Variants in COL9A1 observed in about 807,000 individuals in gnomAD.
COL9A1 encodes collagen type IX alpha 1 chain, also known as collagen alpha-1(IX) chain.
A neutral mutation model predicts 142.6 loss-of-function variants in COL9A1; 104 were observed. The observed-to-expected ratio is 0.73, with a 90% CI of 0.62 to 0.86. The LOEUF (loss-of-function observed/expected upper bound fraction) is 0.86. COL9A1 is among the 40% of genes least tolerant of loss of function. The pLI, the probability that COL9A1 is intolerant of heterozygous loss-of-function variation, is 0.00. For synonymous variants in COL9A1, 466 were observed against 396.0 expected, an observed-to-expected ratio of 1.18 and a Z score of -2.10; for missense variants, 1,210 against 1,176.6, an observed-to-expected ratio of 1.03 and a Z score of -0.42.
chr6:70,268,012 C>T (rs1383972131), intron 17 of COL9A1, among the ~76,000 whole-genome samples: 1 of 152,006 alleles, frequency 6.6e-6, no homozygotes, highest in Non-Finnish European at 1.5e-5. Context: ...GCTATTTATC[C>T]CCAGAATTTG....
chr6:70,298,896 G>A (rs1393312517), intron 4 of COL9A1, among the ~76,000 whole-genome samples: 2 of 152,124 alleles, frequency 1.3e-5, no homozygotes. Context: ...AGTCAGTATG[G>A]AGTAGTGGTT....
chr6:70,236,820 CT>C (rs1769937757), intron 33 of COL9A1, among the ~76,000 whole-genome samples: 1 of 151,054 alleles, frequency 6.6e-6, no homozygotes, highest in Non-Finnish European at 1.5e-5. Context: ...ACTGTAACAA[CT>C]TCTTTTTTTT....
chr6:70,224,186 A>T (rs1175226079), intron 37 of COL9A1, among the ~76,000 whole-genome samples: 1 of 152,234 alleles, frequency 6.6e-6, no homozygotes, highest in Admixed American at 6.5e-5. Flanking sequence ...GCTGCAAATG[A>T]TGATCTTGTC....
chr6:70,234,894 C>T lies in COL9A1; in HGVS notation c.2159G>A (p.Arg720Gln), dbSNP rs192467838. 5.4e-4 allele frequency: 866 copies of T among 1,614,144 alleles called. 1 individual carries two copies. Among genetic ancestry groups the T allele is most frequent in the Non-Finnish European group, 6.8e-4 (799 of 1,180,016 alleles). ...TGGTCCTTCCACTCCAGGAAGCCCC[C>T]GACTTCCCTCAGGCCCTCTCAAGCC... ...EPGLRGPEGS[R>Q]GLPGVEGPRG... Residue 720 changes from arginine (R) to glutamine (Q), a missense_variant, in exon 34 of 38, where the codon CGG becomes CAG. Arg to Gln is a conservative substitution (Grantham distance 43). Coordinates refer to ENST00000357250, the MANE Select transcript of COL9A1 (RefSeq NM_001851.6).
intron 33 of COL9A1, 103 bp from the exon 34 acceptor site, chr6:70,235,043 C>T (rs927207845): frequency 4.5e-5 from 64 of 1,408,298 alleles, no homozygotes; most frequent in Non-Finnish European, 4.9e-5. Flanking sequence ...TTCCTGCACT[C>T]TGCATCCTAA....
intron 18 of COL9A1, among the ~76,000 whole-genome samples, chr6:70,265,385 C>T (rs1319038681): frequency 6.6e-6 from 1 of 151,816 alleles, no homozygotes; most frequent in Non-Finnish European, 1.5e-5. Flanking sequence ...CATAGAATAC[C>T]TCATGAATAT....
intron 33 of COL9A1, among the ~76,000 whole-genome samples, chr6:70,237,904 T>C (rs1376049446): frequency 6.6e-6 from 1 of 152,134 alleles, no homozygotes; most frequent in Non-Finnish European, 1.5e-5. Context: ...AAGCTGAGGA[T>C]AGATCGAAAT....
At position 70,234,520 on chromosome 6, in the gene COL9A1, ACC is replaced by A; in HGVS notation, c.2314+17_2314+18del. ...AAGAGTTGATGGTGGAAAAAGTCAAACCATTGTGATTTATTTACCTTGTATGA... is the reference window on the plus strand; with the variant it reads ...AAGAGTTGATGGTGGAAAAAGTCAAAATTGTGATTTATTTACCTTGTATGA... On this transcript the variant is annotated intron_variant, in intron 35 of 37. Coordinates refer to ENST00000357250, the MANE Select transcript of COL9A1 (RefSeq NM_001851.6). 4 of 1,613,320 alleles carry A rather than the reference ACC, an allele frequency of 2.5e-6. No homozygotes were observed. Among genetic ancestry groups the A allele is most frequent in the Non-Finnish European group, 2.5e-6 (3 of 1,179,282 alleles).
chr6:70,221,937 G>A lies in COL9A1; in HGVS notation c.2581+3995C>T, dbSNP rs1009713335. Among the ~76,000 whole-genome samples, 3 of 152,140 alleles carry A rather than the reference G, an allele frequency of 2.0e-5. No homozygotes were observed. In the South Asian group the frequency reaches 6.2e-4, roughly 32 times the overall value. ...TCCAGGGATTGCTAATGTGATCCAC[G>A]TAGCTCTGCAAGAGAGGCAGAGAAA... On this transcript the variant is annotated intron_variant, in intron 37 of 37. Coordinates refer to ENST00000357250, the MANE Select transcript of COL9A1 (RefSeq NM_001851.6).
chr6:70,262,478 G>A (rs1031995215), intron 19 of COL9A1, among the ~76,000 whole-genome samples: 1 of 152,166 alleles, frequency 6.6e-6, no homozygotes, highest in African/African-American at 2.4e-5. Flanking sequence ...GCAGGTGAAT[G>A]GTGTTCCTGT....
intron 8 of COL9A1, 65 bp downstream of exon 8, chr6:70,281,325 C>G: frequency 6.7e-7 from 1 of 1,494,898 alleles, no homozygotes; most frequent in Admixed American, 1.9e-5. Context: ...CCCACAGGAG[C>G]CCTGGGAAAA....
At chr6:70,261,826 T>C (rs754254555) in intron 19 of COL9A1, among the ~76,000 whole-genome samples, 1 of 152,244 alleles carries the variant, frequency 6.6e-6, no homozygotes, top group Non-Finnish European at 1.5e-5. Context: ...ACATATTTTC[T>C]CTTGAGGTGT....
intron 37 of COL9A1, 58 bp downstream of exon 37, chr6:70,225,874 G>C (rs1458270898): frequency 8.4e-7 from 1 of 1,195,010 alleles, no homozygotes; most frequent in South Asian, 1.2e-5. Context: ...TTCAATTCAG[G>C]CTGTGTACTT....
In COL9A1 at chr6:70,271,674, A is replaced by C. The variant is rs1405862928; in HGVS notation, c.1124T>G (p.Leu375Arg). 6.2e-7 allele frequency: 1 copy of C among 1,614,012 alleles called. No homozygotes were observed. Among genetic ancestry groups the C allele is most frequent in the Non-Finnish European group, 8.5e-7 (1 of 1,179,884 alleles). Residue 375 changes from leucine to arginine, a missense_variant, in exon 14 of 38, where the codon CTT becomes CGT. Transcript: ENST00000357250. The stretch of plus-strand genomic sequence containing the variant: ...ACTCACAACAGGTCCTACACGGCCA[A>C]GCTCTCCAGGGAGTCCTGCTGTCCC... ...PPGTAGLPGE[L>R]GRVGPVGDPG...
chr6:70,234,613 A>G lies in COL9A1; in HGVS notation c.2260-20T>C, dbSNP rs778775136. 54 of 1,614,082 alleles carry G rather than the reference A, an allele frequency of 3.3e-5. No individual in the cohort carries two copies. The highest frequency in any genetic ancestry group is 4.3e-5 in the Non-Finnish European group (51 of 1,180,026). The stretch of plus-strand genomic sequence containing the variant: ...TCTACCCTGGGACAGAAAAGAAAAA[A>G]AGGCAGTTTATGCATGAAACCATAA... On this transcript the variant is annotated intron_variant, in intron 34 of 37. Coordinates refer to ENST00000357250, the MANE Select transcript of COL9A1 (RefSeq NM_001851.6).
intron 31 of COL9A1, 63 bp downstream of exon 31, chr6:70,241,356 C>CTTGCTTGTGAAATGGTGCATATCAAACA: frequency 7.5e-7 from 1 of 1,328,868 alleles, no homozygotes. Flanking sequence ...GCCATTCCCC[C>CTTGCTTGTGAAATGGTGCATATCAAACA]TTGCTTGTGA....
intron 33 of COL9A1, among the ~76,000 whole-genome samples, chr6:70,237,062 A>G (rs1769955325): frequency 1.3e-5 from 2 of 152,312 alleles, no homozygotes; most frequent in East Asian, 3.9e-4. Flanking sequence ...ACCTTGGATG[A>G]TCTGCCCACC....
chr6:70,222,347 T>C (rs1329158318), intron 37 of COL9A1, among the ~76,000 whole-genome samples: 1 of 152,190 alleles, frequency 6.6e-6, no homozygotes, highest in Non-Finnish European at 1.5e-5. Context: ...ACTGAAGCAC[T>C]TCAAGGTAAA....
In COL9A1 at chr6:70,294,348, A is replaced by G. The variant is rs376916962; in HGVS notation, c.515T>C (p.Leu172Ser). Residue 172 changes from leucine to serine, a missense_variant, in exon 5 of 38, where the codon TTG becomes TCG. Physicochemically the swap from Leu to Ser is moderately radical, Grantham distance 145. Coordinates refer to ENST00000357250, the MANE Select transcript of COL9A1 (RefSeq NM_001851.6). Reference sequence around the variant, plus strand: ...CCACTGGGAATCAAACAAGGAGGACAAATTCGAAAAGGCTGCTGTTTGGAG... The same window carrying G: ...CCACTGGGAATCAAACAAGGAGGACGAATTCGAAAAGGCTGCTGTTTGGAG... The part of the protein sequence containing the change: ...GSLQTAAFSN[L>S]SSLFDSQWHK... 1.1e-5 allele frequency: 18 copies of G among 1,614,080 alleles called. No homozygotes were observed. The highest frequency in any genetic ancestry group is 1.5e-5 in the Non-Finnish European group (18 of 1,179,970).
Sources: allele counts gnomAD v4.1 joint callset (sites outside exome capture counted in the v4.1 genomes callset), GRCh38; gene constraint gnomAD v4.1.1; transcripts MANE v1.5; gene names NCBI Gene and HGNC (gene_info 2026-07-23, HGNC 2026-07-21).